Variants in CSMD1 observed in about 807,000 individuals in gnomAD.
CSMD1 encodes the protein CUB and Sushi multiple domains 1, also known as CUB and sushi domain-containing protein 1.
In CSMD1, 213 loss-of-function variants were observed where a neutral mutation model predicts 417.5. The ratio of observed to expected loss-of-function variants is 0.51; its 90% CI spans 0.46 to 0.57. CSMD1 has a LOEUF of 0.57. CSMD1 is among the 20% of genes least tolerant of loss of function. The pLI is 0.00. For synonymous variants in CSMD1, 2,862 were observed against 1,736.8 expected (o/e 1.65, Z -16.11); for missense variants, 6,923 against 4,529.7 (o/e 1.53, Z -15.17).
chr8:4,610,006 A>G (rs17070785), intron 2 of CSMD1, among the ~76,000 whole-genome samples: 27,228 of 151,696 alleles, frequency 0.18, 3,153 homozygotes, highest in African/African-American at 0.33. Context: ...GGGAATGACC[A>G]TTGCTTTGTG....
At chr8:4,774,688 C>T (rs922506473) in intron 1 of CSMD1, among the ~76,000 whole-genome samples, 1 of 152,118 alleles carries the variant, frequency 6.6e-6, no homozygotes, top group African/African-American at 2.4e-5. Context: ...AGTATTGGCT[C>T]ATGGGGGTGG....
At chr8:3,244,463 A>G (rs1336239125) in intron 26 of CSMD1, among the ~76,000 whole-genome samples, 1 of 152,174 alleles carries the variant, frequency 6.6e-6, no homozygotes, top group Admixed American at 6.5e-5. Context: ...GTTAGTTTGC[A>G]TAAGCAGTCT....
chr8:4,281,705 T>A (rs1796794585), intron 3 of CSMD1, among the ~76,000 whole-genome samples: 1 of 152,214 alleles, frequency 6.6e-6, no homozygotes, highest in Non-Finnish European at 1.5e-5. Context: ...ATACAAGTCA[T>A]TTTTTGTATA....
At chr8:3,160,092 A>T (rs1659607748) in intron 38 of CSMD1, among the ~76,000 whole-genome samples, 1 of 152,166 alleles carries the variant, frequency 6.6e-6, no homozygotes, top group Non-Finnish European at 1.5e-5. Flanking sequence ...GTCCCTCTAA[A>T]TGAGATCCTT....
chr8:4,889,458 G>C (rs1803962890), intron 1 of CSMD1, among the ~76,000 whole-genome samples: 1 of 152,092 alleles, frequency 6.6e-6, no homozygotes. Context: ...CTTTGTAGGT[G>C]AGGCCATTTT....
intron 6 of CSMD1, among the ~76,000 whole-genome samples, chr8:3,727,241 G>C (rs746303712): frequency 6.6e-6 from 1 of 152,178 alleles, no homozygotes; most frequent in African/African-American, 2.4e-5. Context: ...ATTATCACAA[G>C]AGGAAAACTA....
chr8:4,259,536 T>A (rs1049512584), intron 3 of CSMD1, among the ~76,000 whole-genome samples: 3 of 48,464 alleles, frequency 6.2e-5, no homozygotes, highest in African/African-American at 1.2e-4. Flanking sequence ...TTTTAAAAAA[T>A]GTCTTTTTTT....
At chr8:3,227,213 A>G (rs1378683337) in intron 27 of CSMD1, among the ~76,000 whole-genome samples, 1 of 152,142 alleles carries the variant, frequency 6.6e-6, no homozygotes, top group East Asian at 1.9e-4. Flanking sequence ...AGCCTGGCCA[A>G]CATAGTGAAA....
At chr8:3,972,127 G>C (rs556873045) in intron 5 of CSMD1, among the ~76,000 whole-genome samples, 2 of 152,024 alleles carry the variant, frequency 1.3e-5, no homozygotes, top group Non-Finnish European at 2.9e-5. Context: ...TGCCTGGGAC[G>C]GCGAAAGTGC....
chr8:4,252,120 T>G (rs1403418982), intron 3 of CSMD1, among the ~76,000 whole-genome samples: 6 of 152,146 alleles, frequency 3.9e-5, no homozygotes, highest in African/African-American at 1.4e-4. Flanking sequence ...AGAGAACTAC[T>G]GAAACACACA....
At chr8:4,128,958 C>G (rs1802926738) in intron 3 of CSMD1, among the ~76,000 whole-genome samples, 1 of 151,718 alleles carries the variant, frequency 6.6e-6, no homozygotes, top group Non-Finnish European at 1.5e-5. Flanking sequence ...TGCCTGTAGT[C>G]CCAGCTACTT....
intron 1 of CSMD1, among the ~76,000 whole-genome samples, chr8:4,653,110 T>C (rs1039917087): frequency 4.6e-5 from 7 of 152,102 alleles, no homozygotes; most frequent in Non-Finnish European, 8.8e-5. Context: ...TCCTTGTCTC[T>C]TTCCCAGCCA....
intron 3 of CSMD1, among the ~76,000 whole-genome samples, chr8:4,323,005 A>G (rs184754839): frequency 2.0e-5 from 3 of 152,358 alleles, no homozygotes; most frequent in Admixed American, 2.0e-4. Context: ...ACTAAAATAT[A>G]AAATAAAATA....
chr8:3,120,350 T>C (rs1209992399), intron 41 of CSMD1, among the ~76,000 whole-genome samples: 2 of 152,198 alleles, frequency 1.3e-5, no homozygotes, highest in Non-Finnish European at 2.9e-5. Flanking sequence ...TGAGAACATA[T>C]GGAAGACAGC....
At chr8:3,824,404 A>T (rs1801929893) in intron 5 of CSMD1, among the ~76,000 whole-genome samples, 1 of 152,208 alleles carries the variant, frequency 6.6e-6, no homozygotes. Flanking sequence ...CAAAGCTCCC[A>T]ATGGGAAAGA....
At chr8:4,027,123 T>C (rs1167416374) in intron 4 of CSMD1, among the ~76,000 whole-genome samples, 2 of 152,212 alleles carry the variant, frequency 1.3e-5, no homozygotes, top group Non-Finnish European at 2.9e-5. Flanking sequence ...CAAAAAGCTT[T>C]ACACTCATGT....
At chr8:4,204,483 T>TTA (rs1799861146) in intron 3 of CSMD1, among the ~76,000 whole-genome samples, 1 of 152,170 alleles carries the variant, frequency 6.6e-6, no homozygotes, top group Admixed American at 6.5e-5. Context: ...ACTTTCTAGA[T>TTA]TGTAAAATAA....
chr8:4,704,835 T>G (rs1807816353), intron 1 of CSMD1, among the ~76,000 whole-genome samples: 1 of 152,146 alleles, frequency 6.6e-6, no homozygotes, highest in African/African-American at 2.4e-5. Context: ...ACTGCATCTC[T>G]ATGCTGATGG....
intron 7 of CSMD1, among the ~76,000 whole-genome samples, chr8:3,689,934 T>C (rs1189646983): frequency 2.6e-5 from 4 of 152,244 alleles, no homozygotes; most frequent in Non-Finnish European, 5.9e-5. Context: ...CGTTCATCAA[T>C]TAAGTAGTAA....
Sources: allele counts gnomAD v4.1 joint callset (sites outside exome capture counted in the v4.1 genomes callset), GRCh38; gene constraint gnomAD v4.1.1; transcripts MANE v1.5; gene names NCBI Gene and HGNC (gene_info 2026-07-23, HGNC 2026-07-21).